The following PCNX1 variants were observed in gnomAD, a reference collection of about 807,000 sequenced individuals.
PCNX1 encodes the protein pecanex 1.
A neutral mutation model predicts 242.2 loss-of-function variants in PCNX1; 78 were observed. That is an observed-to-expected ratio of 0.32 (90% CI 0.27 to 0.39). The LOEUF is 0.39. Among genes scored for constraint, PCNX1 ranks in the 10% least tolerant of loss-of-function variants. The pLI is 1.00. For synonymous variants in PCNX1, 1,024 were observed against 1,032.9 expected (o/e 0.99, Z 0.17); for missense variants, 2,581 against 2,856.5 (o/e 0.90, Z 2.20).
In PCNX1 at chr14:70,978,334, C is replaced by T. The variant is rs758336103; in HGVS notation, c.1997C>T (p.Pro666Leu). ...CACACACACAAAGCTCATTTGGTTC[C>T]TGAAGGAACCAGCAAAAAGCGTGCA... ...SEHTHKAHLV[P>L]EGTSKKRATR... Residue 666 changes from proline (P) to leucine (L), a missense_variant, in exon 6 of 36, where the codon CCT becomes CTT. Physicochemically the swap from Pro to Leu is moderately conservative, Grantham distance 98 (BLOSUM62 -3). This residue lies in a region of PCNX1 where 1,204 missense variants were observed against 1,216.7 expected (regional missense o/e 0.99). Transcript: ENST00000304743. 1 of 1,614,172 alleles carries T rather than the reference C, an allele frequency of 6.2e-7. No homozygotes were observed. The highest frequency in any genetic ancestry group is 8.5e-7 in the Non-Finnish European group (1 of 1,180,028).
intron 13 of PCNX1, among the ~76,000 whole-genome samples, chr14:71,024,619 A>C (rs1595283059): frequency 6.6e-6 from 1 of 152,334 alleles, no homozygotes; most frequent in African/African-American, 2.4e-5. Context: ...ATTAGAAAGC[A>C]CATACTAATT....
chr14:70,974,955 G>A (rs2058651070), intron 5 of PCNX1, among the ~76,000 whole-genome samples: 1 of 152,030 alleles, frequency 6.6e-6, no homozygotes, highest in East Asian at 1.9e-4. Context: ...ACCTTTTGTG[G>A]TATATTTGTT....
intron 26 of PCNX1, among the ~76,000 whole-genome samples, chr14:71,062,241 C>T (rs2061343194): frequency 6.6e-6 from 1 of 152,090 alleles, no homozygotes; most frequent in Non-Finnish European, 1.5e-5. Flanking sequence ...TAGGAGATGG[C>T]AGCTCCATGT....
intron 1 of PCNX1, among the ~76,000 whole-genome samples, chr14:70,922,933 C>T (rs968098671): frequency 3.9e-5 from 6 of 152,038 alleles, no homozygotes; most frequent in Non-Finnish European, 7.4e-5. Context: ...ACAAATCTAC[C>T]AATTTATATT....
At chr14:71,011,726 A>T (rs2059826558) in intron 10 of PCNX1, 177 bp downstream of exon 10, 1 of 575,352 alleles carries the variant, frequency 1.7e-6, no homozygotes, top group African/African-American at 1.9e-5. Flanking sequence ...AAGTCCTTTG[A>T]TAAGAAACAA....
Position 71,019,179 on chromosome 14 carries a change from T to C in PCNX1, c.3150+17T>C, listed in dbSNP as rs773713897. The C allele has an allele frequency of 6.3e-7, 1 of 1,583,796 alleles. No homozygotes were observed. Among genetic ancestry groups the C allele is most frequent in the Admixed American group, 1.8e-5 (1 of 54,976 alleles). On this transcript the variant is annotated intron_variant, in intron 12 of 35. Coordinates refer to ENST00000304743, the MANE Select transcript of PCNX1 (RefSeq NM_014982.3). ...CTGCTTAAGGTACCAGCATCTCTTC[T>C]TTTCATGCTACGGAATTATATTTGT...
intron 1 of PCNX1, among the ~76,000 whole-genome samples, chr14:70,925,041 T>C (rs2056533905): frequency 6.6e-6 from 1 of 151,942 alleles, no homozygotes; most frequent in African/African-American, 2.4e-5. Context: ...CAGACAGGAG[T>C]GCAGTGGTGC....
At chr14:70,948,766 CAT>C (rs558335873) in intron 2 of PCNX1, among the ~76,000 whole-genome samples, 68 of 142,568 alleles carry the variant, frequency 4.8e-4, no homozygotes, top group Middle Eastern at 9.6e-3. Flanking sequence ...TACATATACA[CAT>C]ATATGTATAG....
At chr14:70,914,031 T>C (rs929997437) in intron 1 of PCNX1, among the ~76,000 whole-genome samples, 1 of 152,186 alleles carries the variant, frequency 6.6e-6, no homozygotes, top group African/African-American at 2.4e-5. Flanking sequence ...GATATAACTC[T>C]TATGTATTAT....
Position 71,007,489 on chromosome 14 carries a change from C to A in PCNX1, c.2630-2145C>A, listed in dbSNP as rs369863959. On this transcript the variant is annotated intron_variant, in intron 8 of 35. Transcript: ENST00000304743. ...TATTGAATACAGAATTAACTTATTT[C>A]TAAAATATGTATAAATTATGTTATG... Among the ~76,000 whole-genome samples, 5 of 152,182 alleles carry A rather than the reference C, an allele frequency of 3.3e-5. No individual in the cohort carries two copies. The East Asian group carries it at 7.7e-4, about 24-fold the overall frequency.
intron 28 of PCNX1, among the ~76,000 whole-genome samples, chr14:71,086,573 C>T (rs994284854): frequency 6.6e-6 from 1 of 152,240 alleles, no homozygotes; most frequent in African/African-American, 2.4e-5. Context: ...CAAGACAATG[C>T]CATCCTGAGT....
In PCNX1 at chr14:71,057,792, A is replaced by G. The variant is rs761761106; in HGVS notation, c.4852+68A>G. ...TGGCACCTTAGTTTTACATGTTTCT[A>G]TCTCAAACCAGAAGTTGTCATAGAA... On this transcript the variant is annotated intron_variant, in intron 26 of 35. Coordinates refer to ENST00000304743, the MANE Select transcript of PCNX1 (RefSeq NM_014982.3). 84 of 1,038,156 alleles carry G rather than the reference A, an allele frequency of 8.1e-5. 1 individual carries two copies. In the East Asian group the frequency reaches 1.4e-3, roughly 17 times the overall value. The allele number at this position is 1,038,156 out of a possible 1,614,324, so 64.3% of individuals were successfully genotyped here.
intron 12 of PCNX1, among the ~76,000 whole-genome samples, chr14:71,020,898 T>A (rs1226871498): frequency 1.3e-5 from 2 of 152,096 alleles, no homozygotes; most frequent in African/African-American, 2.4e-5. Context: ...TTTTAGGTCT[T>A]ACATTTAAGT....
At chr14:70,973,792 T>A (rs1340138901) in intron 5 of PCNX1, among the ~76,000 whole-genome samples, 1 of 152,210 alleles carries the variant, frequency 6.6e-6, no homozygotes, top group Non-Finnish European at 1.5e-5. Flanking sequence ...TATAGTTAAG[T>A]ATGAAGAAAA....
At position 70,925,698 on chromosome 14, in the gene PCNX1, T is replaced by C. The variant is rs547123434; in HGVS notation, c.153+17695T>C. ...TAAACATTATTAAAAATATCAAATA[T>C]TTATTGTGCTGTTATATACCCATGC... On this transcript the variant is annotated intron_variant, in intron 1 of 35. Coordinates refer to ENST00000304743, the MANE Select transcript of PCNX1 (RefSeq NM_014982.3). Among the ~76,000 whole-genome samples the C allele has an allele frequency of 9.2e-5, 14 of 152,172 alleles. No individual in the cohort carries two copies. The South Asian group carries it at 2.9e-3, about 32-fold the overall frequency.
intron 30 of PCNX1, among the ~76,000 whole-genome samples, chr14:71,100,960 C>T (rs947245822): frequency 6.6e-6 from 1 of 152,160 alleles, no homozygotes; most frequent in African/African-American, 2.4e-5. Flanking sequence ...ACTCAACCTA[C>T]TTGACAAGAT....
At chr14:70,950,483 C>T (rs1344397917) in intron 2 of PCNX1, among the ~76,000 whole-genome samples, 1 of 152,012 alleles carries the variant, frequency 6.6e-6, no homozygotes, top group Non-Finnish European at 1.5e-5. Context: ...ATTAAATGTT[C>T]TATCATAGTT....
rs754752848 is a variant in PCNX1, at chr14:70,921,674, A to G, written c.153+13671A>G. Among the ~76,000 whole-genome samples, 47 of 152,098 alleles carry G rather than the reference A, an allele frequency of 3.1e-4. 1 individual carries two copies. Among genetic ancestry groups the G allele is most frequent in the Admixed American group, 2.6e-4 (4 of 15,266 alleles). ...ATATACTTGAAGTGATCTTTTTTCA[A>G]TTTCTGTATATGAAGATTTTCAAAT... On this transcript the variant is annotated intron_variant, in intron 1 of 35. Transcript: ENST00000304743.
chr14:70,986,132 T>C (rs533555346), intron 6 of PCNX1, among the ~76,000 whole-genome samples: 19 of 152,240 alleles, frequency 1.2e-4, no homozygotes, highest in Admixed American at 2.6e-4. Context: ...GTTCTGTAAG[T>C]AGCACATTCC....
Sources: gnomAD v4.1 joint callset for allele counts (sites outside exome capture counted in the v4.1 genomes callset) on GRCh38, gnomAD v4.1.1 for gene constraint, gnomAD v4.1.1 regional missense constraint, MANE v1.5 for transcripts, NCBI Gene and HGNC (gene_info 2026-07-23, HGNC 2026-07-21) for gene names.